The following KAZN variants were observed in gnomAD, a reference collection of about 807,000 sequenced individuals.
KAZN encodes the protein kazrin.
A neutral mutation model predicts 87.4 loss-of-function variants in KAZN; 40 were observed. The observed-to-expected ratio is 0.46, with a 90% CI of 0.36 to 0.60. KAZN has a LOEUF of 0.60. KAZN is among the 20% of genes least tolerant of loss of function. KAZN has a pLI of 0.00. For synonymous variants in KAZN, 466 were observed against 458.3 expected (o/e 1.02, Z -0.22); for missense variants, 898 against 1,073.9 (o/e 0.84, Z 2.29).
intron 1 of KAZN, among the ~76,000 whole-genome samples, chr1:14,081,725 G>C (rs1643680017): frequency 1.3e-5 from 2 of 151,838 alleles, no homozygotes; most frequent in Non-Finnish European, 2.9e-5. Context: ...ATAGACACTT[G>C]TGTGCACTCT....
In KAZN at chr1:15,116,897, G is replaced by A. The variant is rs1557813213; in HGVS notation, c.*2262G>A. The A allele has an allele frequency of 6.6e-6, 1 of 152,000 alleles. No homozygotes were observed. The highest frequency in any genetic ancestry group is 1.5e-5 in the Non-Finnish European group (1 of 68,042). 9.4% of individuals were successfully genotyped at this position (152,000 alleles called of 1,614,324 possible). Reference sequence around the variant, plus strand: ...AGTATTGCCCAAAATGTTCACAGCAGGAGGCCAGCAGGCCTGAGGCAACAC... The same window carrying A: ...AGTATTGCCCAAAATGTTCACAGCAAGAGGCCAGCAGGCCTGAGGCAACAC... On this transcript the variant is annotated 3_prime_UTR_variant, in exon 15 of 15. Coordinates refer to ENST00000376030, the MANE Select transcript of KAZN (RefSeq NM_201628.3).
At chr1:14,295,070 T>C (rs1654009454) in intron 2 of KAZN, among the ~76,000 whole-genome samples, 1 of 152,158 alleles carries the variant, frequency 6.6e-6, no homozygotes, top group Non-Finnish European at 1.5e-5. Flanking sequence ...TCTGAGTTTG[T>C]TTCCTCATCC....
At chr1:13,935,525 T>A (rs1353487872) in intron 1 of KAZN, among the ~76,000 whole-genome samples, 1 of 152,154 alleles carries the variant, frequency 6.6e-6, no homozygotes, top group African/African-American at 2.4e-5. Flanking sequence ...AACCTGGCCT[T>A]TGGGGATGCC....
At chr1:14,529,598 GA>G (rs923495246) in intron 2 of KAZN, among the ~76,000 whole-genome samples, 4 of 152,086 alleles carry the variant, frequency 2.6e-5, no homozygotes, top group African/African-American at 9.7e-5. Flanking sequence ...GGAGAGGACA[GA>G]AAAAATGAGG....
intron 2 of KAZN, among the ~76,000 whole-genome samples, chr1:14,343,660 A>T (rs763287453): frequency 2.0e-5 from 3 of 152,216 alleles, no homozygotes. Context: ...ATTGATTCAG[A>T]CTGGAACCCG....
chr1:14,441,767 G>A (rs980849355), intron 2 of KAZN, among the ~76,000 whole-genome samples: 60 of 152,180 alleles, frequency 3.9e-4, no homozygotes, highest in South Asian at 2.1e-4. Flanking sequence ...AAATAATGGT[G>A]TATGCTCACA....
intron 2 of KAZN, among the ~76,000 whole-genome samples, chr1:14,519,484 T>C (rs1671468391): frequency 6.6e-6 from 1 of 152,142 alleles, no homozygotes; most frequent in African/African-American, 2.4e-5. Flanking sequence ...CTCGTGGGTA[T>C]CCTCCCTCAG....
chr1:14,485,653 G>A (rs946766994), intron 2 of KAZN, among the ~76,000 whole-genome samples: 2 of 152,104 alleles, frequency 1.3e-5, no homozygotes, highest in Non-Finnish European at 1.5e-5. Flanking sequence ...CCAGCACGTC[G>A]GGAGGCTGAG....
chr1:14,274,297 C>G (rs191659219), intron 2 of KAZN, among the ~76,000 whole-genome samples: 5 of 152,164 alleles, frequency 3.3e-5, no homozygotes, highest in Admixed American at 3.3e-4. Context: ...ATCACCATTG[C>G]CTTAATGTTT....
chr1:13,953,904 G>T (rs1007393162), intron 1 of KAZN, among the ~76,000 whole-genome samples: 1 of 152,124 alleles, frequency 6.6e-6, no homozygotes, highest in Non-Finnish European at 1.5e-5. Context: ...AATTTCTAAA[G>T]TTGAAATCCC....
intron 1 of KAZN, among the ~76,000 whole-genome samples, chr1:14,953,134 C>G (rs915969558): frequency 2.6e-5 from 4 of 152,232 alleles, no homozygotes; most frequent in Admixed American, 2.0e-4. Context: ...GAACAGAGTC[C>G]CTGCCCTCAT....
chr1:15,056,088 C>A lies in KAZN; in HGVS notation c.727-3C>A. On this transcript the variant is annotated splice_region_variant and splice_polypyrimidine_tract_variant and intron_variant, in intron 4 of 14. Transcript: ENST00000376030. The surrounding 1 kb of genome is among the most constrained non-coding windows in gnomAD (Gnocchi z 5.4). The stretch of plus-strand genomic sequence containing the variant: ...CTTCTTCCTGTCTTCTTGCTCTCTC[C>A]AGGCCAAACAGTCCTTAGCTACGCT... 1 of 1,601,748 alleles carries A rather than the reference C, an allele frequency of 6.2e-7. No homozygotes were observed. The highest frequency in any genetic ancestry group is 8.5e-7 in the Non-Finnish European group (1 of 1,170,138).
At chr1:13,992,819 T>A (rs895927421) in intron 1 of KAZN, among the ~76,000 whole-genome samples, 1 of 152,110 alleles carries the variant, frequency 6.6e-6, no homozygotes, top group Non-Finnish European at 1.5e-5. Flanking sequence ...CCAGCTCATC[T>A]CCCCTGTGCT....
intron 1 of KAZN, among the ~76,000 whole-genome samples, chr1:14,874,219 G>T (rs779470728): frequency 1.3e-5 from 2 of 152,172 alleles, no homozygotes; most frequent in Non-Finnish European, 2.9e-5. Flanking sequence ...GAGCTCTGGA[G>T]TCCTCCAACA....
chr1:14,756,571 C>A (rs576976453), intron 1 of KAZN, among the ~76,000 whole-genome samples: 76 of 152,300 alleles, frequency 5.0e-4, no homozygotes, highest in Non-Finnish European at 9.0e-4. Flanking sequence ...AAATATCCTG[C>A]AGTAAAATTC....
At position 14,153,828 on chromosome 1, in the gene KAZN, G is replaced by A. The variant is rs1432219862; in HGVS notation, c.92-26607G>A. Among the ~76,000 whole-genome samples, 25 of 149,072 alleles carry A rather than the reference G, an allele frequency of 1.7e-4. No individual in the cohort carries two copies. In the Admixed American group the frequency reaches 1.7e-3, roughly 10 times the overall value. On this transcript the variant is annotated intron_variant, in intron 1 of 16. Coordinates refer to the KAZN transcript ENST00000636203. ...GAGTTTGCTGGACGTCTTTGGATTT[G>A]TTTCTGGGTTCTCTATTCTGTTCCA...
At chr1:14,519,768 T>C (rs2148462168) in intron 2 of KAZN, among the ~76,000 whole-genome samples, 1 of 152,244 alleles carries the variant, frequency 6.6e-6, no homozygotes, top group Middle Eastern at 3.4e-3. Context: ...ATGGATGACC[T>C]GAGAGATGCA....
chr1:14,403,019 G>C (rs1348208006), intron 2 of KAZN, among the ~76,000 whole-genome samples: 1 of 152,060 alleles, frequency 6.6e-6, no homozygotes, highest in Non-Finnish European at 1.5e-5. Flanking sequence ...TAGAGACGAG[G>C]TTTCGCCACA....
At chr1:14,780,953 C>A (rs1321340937) in intron 1 of KAZN, among the ~76,000 whole-genome samples, 7 of 152,218 alleles carry the variant, frequency 4.6e-5, no homozygotes, top group Non-Finnish European at 1.0e-4. Flanking sequence ...GCACTTGCAG[C>A]TGGAGTTACA....
Sources: gnomAD v4.1 joint callset for allele counts (sites outside exome capture counted in the v4.1 genomes callset) on GRCh38, gnomAD v4.1.1 for gene constraint, Gnocchi (gnomAD v3.1) non-coding constraint, MANE v1.5 for transcripts, NCBI Gene and HGNC (gene_info 2026-07-23, HGNC 2026-07-21) for gene names.